The following ATRN variants were observed in gnomAD, a reference collection of about 807,000 sequenced individuals.
The protein encoded by ATRN is attractin, also known as attractin-2.
In ATRN, 54 loss-of-function variants were observed where a neutral mutation model predicts 178.7. The observed-to-expected ratio is 0.30, with a 90% confidence interval of 0.24 to 0.38. ATRN has a LOEUF of 0.38. Among genes scored for constraint, ATRN ranks in the 10% least tolerant of loss-of-function variants. The pLI is 1.00. For synonymous variants in ATRN, 636 were observed against 663.0 expected, an observed-to-expected ratio of 0.96 and a Z score of 0.63; for missense variants, 1,443 against 1,815.1, an observed-to-expected ratio of 0.79 and a Z score of 3.73.
intron 1 of ATRN, among the ~76,000 whole-genome samples, chr20:3,487,287 G>T (rs770651403): frequency 7.9e-5 from 12 of 152,130 alleles, no homozygotes; most frequent in Non-Finnish European, 1.3e-4. Context: ...AGGCTGGAGT[G>T]CAGTGGCATG....
rs2087043115 is a variant in ATRN at position 3,638,615 on chromosome 20, CAG to C, written c.3943-212_3943-211del. On this transcript the variant is annotated intron_variant, in intron 26 of 28. Transcript: ENST00000262919. This position sits in a 1 kb window ranked among gnomAD's most constrained non-coding sequence, Gnocchi z 4.5. ...ATCGTACGTTAATATGTATCTCTGACAGGGGCTTTTAAAAAATATAAGGACAA... is the reference window on the plus strand; with the variant it reads ...ATCGTACGTTAATATGTATCTCTGACGGGCTTTTAAAAAATATAAGGACAA... 1.3e-5 allele frequency among the ~76,000 whole-genome samples: 2 copies of C among 152,154 alleles called. No individual in the cohort carries two copies. The highest frequency in any genetic ancestry group is 1.9e-4 in the East Asian group (1 of 5,202).
chr20:3,630,427 T>G (rs997355435), intron 25 of ATRN, among the ~76,000 whole-genome samples: 3 of 152,154 alleles, frequency 2.0e-5, no homozygotes, highest in Non-Finnish European at 4.4e-5. Flanking sequence ...CTTAGACTCT[T>G]CAGGGTAAGT....
intron 1 of ATRN, among the ~76,000 whole-genome samples, chr20:3,506,275 A>G (rs1311014011): frequency 1.3e-5 from 2 of 152,172 alleles, no homozygotes; most frequent in Non-Finnish European, 2.9e-5. Flanking sequence ...TATTATCTCA[A>G]TTAAAATTTC....
chr20:3,623,940 C>G (rs896622217), intron 24 of ATRN, among the ~76,000 whole-genome samples: 8 of 152,116 alleles, frequency 5.3e-5, no homozygotes, highest in African/African-American at 1.9e-4. Flanking sequence ...AAATATGTTG[C>G]ATTTTTATAT....
In ATRN at chr20:3,542,409, T is replaced by C. The variant is rs150231604; in HGVS notation, c.608+2074T>C. On this transcript the variant is annotated intron_variant, in intron 3 of 28. Transcript: ENST00000262919. ...GGACTGTGTATTTGATAAACAGTGG[T>C]AGCGGTGGTAGAGCAGAGAGAGTGG... 8.7e-4 allele frequency among the ~76,000 whole-genome samples: 133 copies of C among 152,110 alleles called. 2 individuals are homozygous for C. The East Asian group carries it at 0.023, about 26-fold the overall frequency.
chr20:3,644,511 C>CCT (rs1164907624), intron 28 of ATRN, among the ~76,000 whole-genome samples: 1 of 152,234 alleles, frequency 6.6e-6, no homozygotes, highest in Admixed American at 6.5e-5. Flanking sequence ...GCCTCCCCAG[C>CCT]CTCTCAGTGC....
intron 1 of ATRN, among the ~76,000 whole-genome samples, chr20:3,474,847 A>G (rs1259455687): frequency 1.3e-5 from 2 of 150,556 alleles, no homozygotes; most frequent in East Asian, 2.0e-4. Context: ...CCTGGCCAAC[A>G]TAGTGAATCC....
Position 3,644,183 on chromosome 20 carries a change from G to A in ATRN, c.4080G>A (p.Pro1360=), listed in dbSNP as rs2246808. 628,934 of 1,613,224 alleles carry A rather than the reference G, an allele frequency of 0.39. 125,705 individuals are homozygous for A. The highest frequency in any genetic ancestry group is 0.55 in the African/African-American group (40,861 of 74,934). The part of the protein sequence containing the change: ...KTVPKPIALE[P]CFGNKAAVLS... ...TTCCCAAACCCATTGCACTGGAGCCGTGTTTTGGCAACAAAGCCGCTGTCC... is the reference window on the plus strand; with the variant it reads ...TTCCCAAACCCATTGCACTGGAGCCATGTTTTGGCAACAAAGCCGCTGTCC... Residue 1360 remains proline, a synonymous_variant, in exon 28 of 29, where the codon CCG becomes CCA. Coordinates refer to ENST00000262919, the MANE Select transcript of ATRN (RefSeq NM_139321.3).
intron 1 of ATRN, among the ~76,000 whole-genome samples, chr20:3,514,990 TATA>T (rs2085187614): frequency 6.6e-6 from 1 of 152,058 alleles, no homozygotes; most frequent in African/African-American, 2.4e-5. Flanking sequence ...ACTTCCTTAA[TATA>T]TTAGGAGCTT....
At chr20:3,595,409 A>G (rs907044554) in intron 20 of ATRN, among the ~76,000 whole-genome samples, 1 of 152,220 alleles carries the variant, frequency 6.6e-6, no homozygotes, top group Non-Finnish European at 1.5e-5. Context: ...AGTAGTAATA[A>G]TGCCACCAGT....
intron 18 of ATRN, among the ~76,000 whole-genome samples, chr20:3,589,769 C>A (rs1568749463): frequency 6.6e-6 from 1 of 152,102 alleles, no homozygotes; most frequent in Non-Finnish European, 1.5e-5. Flanking sequence ...TGGTCCACTT[C>A]GACTGTTGTT....
At chr20:3,514,362 T>C (rs991207928) in intron 1 of ATRN, among the ~76,000 whole-genome samples, 2 of 152,226 alleles carry the variant, frequency 1.3e-5, no homozygotes, top group African/African-American at 4.8e-5. Flanking sequence ...CTATTCTTGT[T>C]TTCATACAGC....
chr20:3,552,617 G>A (rs966082268), intron 6 of ATRN, among the ~76,000 whole-genome samples: 4 of 152,176 alleles, frequency 2.6e-5, no homozygotes, highest in African/African-American at 9.7e-5. Flanking sequence ...ATTTCAGTTG[G>A]TCAGGAGTCC....
rs1198886946 is a variant in ATRN, at chr20:3,492,203, G to GTGTA, written c.410+20687_410+20688insGTAT. On this transcript the variant is annotated intron_variant, in intron 1 of 28. Coordinates refer to ENST00000262919, the MANE Select transcript of ATRN (RefSeq NM_139321.3). ...TGTGTGTGTGTGTGTGTGTGTGTGT[G>GTGTA]TATCCGTTCTCTGGGCAGGGAGGGG... Among the ~76,000 whole-genome samples the GTGTA allele has an allele frequency of 1.3e-4, 20 of 148,342 alleles. No homozygotes were observed. The South Asian group carries it at 2.1e-3, about 16-fold the overall frequency.
intron 1 of ATRN, among the ~76,000 whole-genome samples, chr20:3,529,495 G>A (rs2085420653): frequency 6.6e-6 from 1 of 152,212 alleles, no homozygotes; most frequent in African/African-American, 2.4e-5. Flanking sequence ...ACTCAGCAGT[G>A]TGAAGGAGCA....
intron 24 of ATRN, among the ~76,000 whole-genome samples, chr20:3,619,487 C>T (rs2086880075): frequency 6.6e-6 from 1 of 152,230 alleles, no homozygotes; most frequent in African/African-American, 2.4e-5. Flanking sequence ...CTGTATTAAA[C>T]AGTGACTTTT....
At chr20:3,530,999 A>C (rs1252303723) in intron 1 of ATRN, among the ~76,000 whole-genome samples, 4 of 152,172 alleles carry the variant, frequency 2.6e-5, no homozygotes, top group Non-Finnish European at 5.9e-5. Flanking sequence ...TACATTATTG[A>C]AATGCCTTTC....
chr20:3,597,071 T>TATATATATATAAAA (rs11087589), intron 21 of ATRN, among the ~76,000 whole-genome samples: 1 of 134,036 alleles, frequency 7.5e-6, no homozygotes, highest in African/African-American at 2.9e-5. Context: ...TATATATATA[T>TATATATATATAAAA]ATAAAACTTC....
intron 2 of ATRN, among the ~76,000 whole-genome samples, chr20:3,537,209 A>T (rs2085546574): frequency 6.6e-6 from 1 of 152,196 alleles, no homozygotes; most frequent in African/African-American, 2.4e-5. Context: ...TCTAATTACT[A>T]CTTGAAAGCT....
Sources: allele counts gnomAD v4.1 joint callset (sites outside exome capture counted in the v4.1 genomes callset), GRCh38; gene constraint gnomAD v4.1.1; non-coding constraint Gnocchi (gnomAD v3.1); transcripts MANE v1.5; gene names NCBI Gene and HGNC (gene_info 2026-07-23, HGNC 2026-07-21).